STARD13: variants seen among roughly 807,000 people sequenced by gnomAD.
The protein encoded by STARD13 is StAR related lipid transfer domain containing 13.
In STARD13, 62 loss-of-function variants were observed where a neutral mutation model predicts 106.4. The ratio of observed to expected loss-of-function variants is 0.58; its 90% CI spans 0.48 to 0.72. STARD13 has a LOEUF of 0.72. Among genes scored for constraint, STARD13 ranks in the 30% least tolerant of loss-of-function variants. The probability of loss-of-function intolerance (pLI) is 0.00; values close to 1 mark genes in which losing one functional copy is unlikely to be tolerated. For missense variants in STARD13, 1,387 were observed against 1,424.0 expected (o/e 0.97, Z 0.42); for synonymous variants, 565 against 553.0 (o/e 1.02, Z -0.31).
the STARD13 span, among the ~76,000 whole-genome samples, chr13:33,498,881 AC>A: frequency 6.6e-6 from 1 of 152,214 alleles, no homozygotes; most frequent in African/African-American, 2.4e-5. Context: ...TATTTTGAGT[AC>A]ACTGCAGCAC....
chr13:33,534,096 C>T, the STARD13 span, among the ~76,000 whole-genome samples: 2 of 152,288 alleles, frequency 1.3e-5, no homozygotes, highest in Admixed American at 6.5e-5. Context: ...TAGGAATGCT[C>T]TGGGGCAAGC....
At chr13:33,493,779 A>AT in the STARD13 span, among the ~76,000 whole-genome samples, 1 of 152,164 alleles carries the variant, frequency 6.6e-6, no homozygotes, top group Admixed American at 6.5e-5. Flanking sequence ...CAAATCTAGG[A>AT]TTTACTCAGC....
chr13:33,609,041 G>C, the STARD13 span, among the ~76,000 whole-genome samples: 1 of 140,258 alleles, frequency 7.1e-6, no homozygotes, highest in Non-Finnish European at 1.5e-5. Flanking sequence ...AGCCGAGATT[G>C]CGCCACTGCA....
the STARD13 span, among the ~76,000 whole-genome samples, chr13:33,571,211 C>T: frequency 4.6e-5 from 7 of 152,198 alleles, no homozygotes; most frequent in African/African-American, 7.2e-5. Context: ...TTCAATTGTT[C>T]GAGAATAACA....
At chr13:33,429,980 C>T in the STARD13 span, among the ~76,000 whole-genome samples, 27 of 150,526 alleles carry the variant, frequency 1.8e-4, 1 homozygote, top group South Asian at 1.9e-3. Flanking sequence ...TGCAGTGGCG[C>T]GATCTCGGCT....
intron 1 of STARD13, among the ~76,000 whole-genome samples, chr13:33,226,686 C>T (rs866314074): frequency 3.9e-5 from 6 of 152,104 alleles, no homozygotes; most frequent in Non-Finnish European, 7.4e-5. Flanking sequence ...CTGCCCACCT[C>T]GACCTCCCAA....
chr13:33,120,781 T>A (rs1876162862), intron 7 of STARD13, among the ~76,000 whole-genome samples: 1 of 152,056 alleles, frequency 6.6e-6, no homozygotes, highest in Non-Finnish European at 1.5e-5. Flanking sequence ...CCTGACTTTT[T>A]TTTTTTTTGA....
intron 5 of STARD13, among the ~76,000 whole-genome samples, chr13:33,127,799 G>A (rs950263960): frequency 6.7e-6 from 1 of 148,584 alleles, no homozygotes; most frequent in African/African-American, 2.5e-5. Flanking sequence ...GAAATATTAT[G>A]TTTGTTTATT....
the STARD13 span, among the ~76,000 whole-genome samples, chr13:33,358,753 G>A: frequency 5.3e-5 from 8 of 151,700 alleles, no homozygotes; most frequent in Non-Finnish European, 7.4e-5. Flanking sequence ...CTCTGGTGAG[G>A]ATGTGGAGAG....
At chr13:33,672,962 CTATTTTAGAA>C in the STARD13 span, among the ~76,000 whole-genome samples, 1 of 152,190 alleles carries the variant, frequency 6.6e-6, no homozygotes, top group Non-Finnish European at 1.5e-5. Context: ...CTTTAATAAT[CTATTTTAGAA>C]TATTGCCAAT....
the STARD13 span, among the ~76,000 whole-genome samples, chr13:33,538,939 T>C: frequency 6.6e-6 from 1 of 152,226 alleles, no homozygotes; most frequent in African/African-American, 2.4e-5. Context: ...CGGACTAATT[T>C]TTTGTATATT....
chr13:33,183,047 T>A (rs528851451), intron 1 of STARD13, among the ~76,000 whole-genome samples: 3 of 152,320 alleles, frequency 2.0e-5, no homozygotes, highest in African/African-American at 4.8e-5. Context: ...CCTATTTACC[T>A]CCTGACTTGC....
intron 1 of STARD13, among the ~76,000 whole-genome samples, chr13:33,339,069 T>A (rs1328943686): frequency 6.6e-6 from 1 of 152,148 alleles, no homozygotes; most frequent in Non-Finnish European, 1.5e-5. Context: ...TAGGGTTTAT[T>A]ATGGGCCAGA....
In STARD13 at chr13:33,129,728, G is replaced by A; in HGVS notation, c.949C>T (p.Pro317Ser). 1 of 1,614,142 alleles carries A rather than the reference G, an allele frequency of 6.2e-7. No homozygotes were observed. The highest frequency in any genetic ancestry group is 8.5e-7 in the Non-Finnish European group (1 of 1,180,042). ...CATGGGAGCCCTTTTCTGCAGGCAG[G>A]TGGCGGCGAATTCTGGAGATCTCCA... ...PNGDLQNSPP[P>S]ACRKGLPCSG... The change falls in exon 5 of 14, where the codon CCT becomes TCT. Residue 317 changes from proline to serine, a missense_variant. Physicochemically the swap from Pro to Ser is moderately conservative, Grantham distance 74. Coordinates refer to ENST00000336934, the MANE Select transcript of STARD13 (RefSeq NM_178006.4).
the STARD13 span, among the ~76,000 whole-genome samples, chr13:33,650,451 A>C: frequency 1.3e-5 from 2 of 151,714 alleles, no homozygotes; most frequent in East Asian, 3.9e-4. Context: ...CGGCCTCCCA[A>C]AGTGCTGGGA....
chr13:33,342,349 A>G lies in STARD13; in HGVS notation c.124+7941T>C, dbSNP rs182406209. The stretch of plus-strand genomic sequence containing the variant: ...ATTATACGTAGGCCCAACCAGTTAT[A>G]GTAACCAGAGGAGTGCTCATGCTAA... On this transcript the variant is annotated intron_variant, in intron 1 of 5. Coordinates refer to the STARD13 transcript ENST00000567873. Among the ~76,000 whole-genome samples, 407 of 152,350 alleles carry G rather than the reference A, an allele frequency of 2.7e-3. 1 individual carries two copies. Among genetic ancestry groups the G allele is most frequent in the African/African-American group, 9.2e-3 (382 of 41,582 alleles).
intron 4 of STARD13, chr13:33,138,872 CAGTT>C: frequency 4.2e-6 from 2 of 477,666 alleles, no homozygotes; most frequent in Non-Finnish European, 8.5e-6. Flanking sequence ...TTCTGCAAAA[CAGTT>C]AGAAACTGTA....
At chr13:33,483,936 G>C in the STARD13 span, among the ~76,000 whole-genome samples, 1 of 152,174 alleles carries the variant, frequency 6.6e-6, no homozygotes, top group Non-Finnish European at 1.5e-5. Context: ...AATGAAATGA[G>C]ACATTTGCCC....
the STARD13 span, among the ~76,000 whole-genome samples, chr13:33,625,396 C>T: frequency 6.6e-6 from 1 of 151,876 alleles, no homozygotes; most frequent in South Asian, 2.1e-4. Flanking sequence ...ATAGTGAAAC[C>T]CCATCTCTAC....
Sources: gnomAD v4.1 joint callset for allele counts (sites outside exome capture counted in the v4.1 genomes callset) on GRCh38, gnomAD v4.1.1 for gene constraint, MANE v1.5 for transcripts, NCBI Gene and HGNC (gene_info 2026-07-23, HGNC 2026-07-21) for gene names.